Variants in PTPRD observed in about 807,000 individuals in gnomAD.
The protein encoded by PTPRD is protein tyrosine phosphatase receptor type D.
PTPRD carries 34 observed loss-of-function variants against 214.5 expected under a neutral mutation model. The ratio of observed to expected loss-of-function variants is 0.16; its 90% confidence interval spans 0.12 to 0.21. PTPRD has a LOEUF of 0.21. PTPRD is among the 10% of genes least tolerant of loss of function. The probability of loss-of-function intolerance (pLI) is 1.00; values close to 1 mark genes in which losing one functional copy is unlikely to be tolerated. For synonymous variants in PTPRD, 1,128 were observed against 845.7 expected, an observed-to-expected ratio of 1.33 and a Z score of -5.79; for missense variants, 2,545 against 2,398.7, an observed-to-expected ratio of 1.06 and a Z score of -1.27.
intron 8 of PTPRD, among the ~76,000 whole-genome samples, chr9:9,508,281 A>T (rs1007393680): frequency 1.3e-5 from 2 of 151,526 alleles, no homozygotes; most frequent in Non-Finnish European, 3.0e-5. Context: ...GGCCCCTACC[A>T]CTAATGAGCA....
chr9:10,016,069 T>A (rs2154112957), intron 4 of PTPRD, among the ~76,000 whole-genome samples: 1 of 152,300 alleles, frequency 6.6e-6, no homozygotes, highest in East Asian at 1.9e-4. Context: ...CCTCAGAACC[T>A]GGAAATATAC....
intron 14 of PTPRD, among the ~76,000 whole-genome samples, chr9:8,608,460 C>T (rs765760354): frequency 3.3e-5 from 5 of 152,034 alleles, no homozygotes; most frequent in Non-Finnish European, 5.9e-5. Context: ...TTTAGCGCTC[C>T]CTGTTCACCC....
At chr9:10,143,993 C>A (rs2099005794) in intron 3 of PTPRD, among the ~76,000 whole-genome samples, 4 of 151,920 alleles carry the variant, frequency 2.6e-5, no homozygotes. Flanking sequence ...ATACTCCAAG[C>A]CTCAGCATCA....
chr9:9,898,604 G>T (rs1348442960), intron 5 of PTPRD, among the ~76,000 whole-genome samples: 2 of 152,052 alleles, frequency 1.3e-5, no homozygotes, highest in African/African-American at 2.4e-5. Context: ...GTCACAAAAA[G>T]ATTCTTTTGT....
intron 7 of PTPRD, among the ~76,000 whole-genome samples, chr9:9,678,533 G>C (rs370121067): frequency 2.6e-5 from 4 of 151,626 alleles, no homozygotes; most frequent in African/African-American, 9.7e-5. Context: ...AAAATCCTTC[G>C]TATTTTTATT....
intron 6 of PTPRD, among the ~76,000 whole-genome samples, chr9:9,759,808 C>T (rs986734712): frequency 8.6e-5 from 13 of 152,020 alleles, no homozygotes; most frequent in Non-Finnish European, 1.6e-4. Flanking sequence ...TCCCCTGCCT[C>T]GGGCTCCCAA....
At chr9:9,994,782 A>C (rs910922088) in intron 4 of PTPRD, among the ~76,000 whole-genome samples, 3 of 152,160 alleles carry the variant, frequency 2.0e-5, no homozygotes, top group Non-Finnish European at 4.4e-5. Context: ...TAATTTTAGA[A>C]GGCAAACAAT....
chr9:10,126,426 T>TATATAC (rs1176625136), intron 3 of PTPRD, among the ~76,000 whole-genome samples: 4 of 96,118 alleles, frequency 4.2e-5, no homozygotes, highest in African/African-American at 1.3e-4. Context: ...GTTTTATATA[T>TATATAC]ACACACACAC....
chr9:8,723,947 C>T (rs2098529815), intron 12 of PTPRD, among the ~76,000 whole-genome samples: 2 of 152,138 alleles, frequency 1.3e-5, no homozygotes, highest in South Asian at 4.1e-4. Flanking sequence ...CTGTAAATAA[C>T]TGCCACAGTA....
At chr9:10,152,152 C>A (rs961008315) in intron 3 of PTPRD, among the ~76,000 whole-genome samples, 5 of 152,100 alleles carry the variant, frequency 3.3e-5, no homozygotes, top group African/African-American at 9.7e-5. Context: ...TTTGCATTCC[C>A]ACAAGCAAAG....
chr9:9,599,225 A>G (rs770427452), intron 7 of PTPRD, among the ~76,000 whole-genome samples: 8 of 152,098 alleles, frequency 5.3e-5, no homozygotes, highest in Non-Finnish European at 1.0e-4. Context: ...CCCTTCTATT[A>G]TCTGAGTCCC....
chr9:10,363,442 G>T (rs113928980), intron 2 of PTPRD, among the ~76,000 whole-genome samples: 649 of 152,184 alleles, frequency 4.3e-3, no homozygotes, highest in African/African-American at 0.014. Flanking sequence ...CATTATTTTA[G>T]GACAAACTGA....
intron 10 of PTPRD, among the ~76,000 whole-genome samples, chr9:9,134,258 A>G (rs2099847496): frequency 6.8e-6 from 1 of 147,518 alleles, no homozygotes; most frequent in South Asian, 2.1e-4. Flanking sequence ...ATTTTTTAGT[A>G]GAGACGAGGT....
chr9:9,724,115 T>C (rs1381358433), intron 7 of PTPRD, among the ~76,000 whole-genome samples: 1 of 152,164 alleles, frequency 6.6e-6, no homozygotes, highest in Non-Finnish European at 1.5e-5. Context: ...ATGTTTTTTG[T>C]TATTGTTGTA....
At chr9:9,449,644 TG>T (rs2091541146) in intron 8 of PTPRD, among the ~76,000 whole-genome samples, 1 of 152,058 alleles carries the variant, frequency 6.6e-6, no homozygotes, top group African/African-American at 2.4e-5. Context: ...ATTCCACATT[TG>T]CTCATTCACA....
At chr9:9,381,227 A>G (rs2062125899) in intron 9 of PTPRD, among the ~76,000 whole-genome samples, 1 of 151,618 alleles carries the variant, frequency 6.6e-6, no homozygotes, top group Non-Finnish European at 1.5e-5. Flanking sequence ...TAAATTTGTT[A>G]CTATTTTTTT....
chr9:10,530,789 A>T lies in PTPRD; in HGVS notation c.-600+81609T>A, dbSNP rs966819702. ...AACTAGAAGAAAAATTCACATGTTA[A>T]AACAGATATCAAATAAATAAATAAA... On this transcript the variant is annotated intron_variant, in intron 2 of 45. Transcript: ENST00000381196. Among the ~76,000 whole-genome samples, 4 of 152,192 alleles carry T rather than the reference A, an allele frequency of 2.6e-5. No homozygotes were observed. The East Asian group carries it at 7.7e-4, about 29-fold the overall frequency.
rs572731702 is a variant in PTPRD, at chr9:8,728,055, C to T, written c.64+5725G>A. 3.9e-5 allele frequency among the ~76,000 whole-genome samples: 6 copies of T among 152,204 alleles called. No individual in the cohort carries two copies. The South Asian group carries it at 1.2e-3, about 32-fold the overall frequency. On this transcript the variant is annotated intron_variant, in intron 12 of 45. Transcript: ENST00000381196. ...CTGAGGTCGGGAGTTCGAGACCAGC[C>T]TGACCAATATGGAGAAACCCTGTCT...
intron 12 of PTPRD, among the ~76,000 whole-genome samples, chr9:8,731,120 A>C (rs1305934572): frequency 6.6e-6 from 1 of 152,208 alleles, no homozygotes; most frequent in Non-Finnish European, 1.5e-5. Context: ...TCCTTAATGC[A>C]ACATCACACC....
Sources: allele counts gnomAD v4.1 joint callset (sites outside exome capture counted in the v4.1 genomes callset), GRCh38; gene constraint gnomAD v4.1.1; transcripts MANE v1.5; gene names NCBI Gene and HGNC (gene_info 2026-07-23, HGNC 2026-07-21).